HS2ST1: variants seen among roughly 807,000 people sequenced by gnomAD.
HS2ST1 encodes the protein heparan sulfate 2-O-sulfotransferase 1, also known as 2-O-sulfotransferase.
HS2ST1 carries 18 observed loss-of-function variants against 42.9 expected under a neutral mutation model. That is an observed-to-expected ratio of 0.42 (90% CI 0.29 to 0.62). The LOEUF is 0.62. Among genes scored for constraint, HS2ST1 ranks in the 20% least tolerant of loss-of-function variants. The pLI, the probability that HS2ST1 is intolerant of heterozygous loss-of-function variation, is 0.21. For missense variants in HS2ST1, 334 were observed against 433.8 expected (o/e 0.77, Z 2.04); for synonymous variants, 146 against 152.9 (o/e 0.95, Z 0.33).
rs1660366268 is a variant in HS2ST1, at chr1:86,924,301, G to T, written c.124+9141G>T. Among the ~76,000 whole-genome samples the T allele has an allele frequency of 3.3e-5, 5 of 152,300 alleles. No individual in the cohort carries two copies. The South Asian group carries it at 1.0e-3, about 32-fold the overall frequency. Reference sequence around the variant, plus strand: ...CCCCCACTCCTGGCTACTTTCACAGGCTGGCATTGAGTGTCTGTGGCTTTT... The same window carrying T: ...CCCCCACTCCTGGCTACTTTCACAGTCTGGCATTGAGTGTCTGTGGCTTTT... On this transcript the variant is annotated intron_variant, in intron 1 of 6. Coordinates refer to ENST00000370550, the MANE Select transcript of HS2ST1 (RefSeq NM_012262.4).
intron 1 of HS2ST1, among the ~76,000 whole-genome samples, chr1:87,030,790 G>A (rs960366655): frequency 1.3e-5 from 2 of 152,070 alleles, no homozygotes; most frequent in African/African-American, 4.8e-5. Flanking sequence ...TGTTCTTCCA[G>A]TGTCCTGAAT....
chr1:87,051,834 C>T (rs958294739), intron 1 of HS2ST1, among the ~76,000 whole-genome samples: 20 of 151,820 alleles, frequency 1.3e-4, no homozygotes, highest in Non-Finnish European at 2.5e-4. Flanking sequence ...TTTTGGAAAT[C>T]GATGTTTAAA....
chr1:87,088,009 G>C (rs550694900), intron 3 of HS2ST1, among the ~76,000 whole-genome samples: 6 of 152,070 alleles, frequency 3.9e-5, no homozygotes, highest in Non-Finnish European at 8.8e-5. Context: ...ACTTCATGGG[G>C]TGGTGGTGAG....
intron 1 of HS2ST1, among the ~76,000 whole-genome samples, chr1:87,062,921 G>A (rs1458062019): frequency 6.6e-6 from 1 of 152,134 alleles, no homozygotes; most frequent in East Asian, 1.9e-4. Flanking sequence ...TCATACAGGT[G>A]CATTCAAGAC....
Position 86,954,304 on chromosome 1 carries a change from G to A in HS2ST1, c.124+39144G>A, listed in dbSNP as rs536761099. ...GCAGAGGTTGCAGTGAGCCAAGATC[G>A]TGCCATTGCACTCCAGCCTGGGTGA... is the stretch of plus-strand genomic sequence containing the variant. On this transcript the variant is annotated intron_variant, in intron 1 of 6. Coordinates refer to ENST00000370550, the MANE Select transcript of HS2ST1 (RefSeq NM_012262.4). Among the ~76,000 whole-genome samples, 297 of 152,070 alleles carry A rather than the reference G, an allele frequency of 2.0e-3. 1 individual carries two copies. Among genetic ancestry groups the A allele is most frequent in the African/African-American group, 6.8e-3 (280 of 41,472 alleles).
chr1:86,952,623 T>C (rs935311588), intron 1 of HS2ST1, among the ~76,000 whole-genome samples: 1 of 152,256 alleles, frequency 6.6e-6, no homozygotes, highest in Non-Finnish European at 1.5e-5. Context: ...AAAACAACTT[T>C]AATCTCATTG....
intron 1 of HS2ST1, chr1:87,045,469 A>T (rs1366038615): frequency 1.9e-6 from 2 of 1,057,988 alleles, no homozygotes; most frequent in Non-Finnish European, 3.0e-6. Flanking sequence ...GTAAGGTGAG[A>T]ACAGTCACTT....
intron 1 of HS2ST1, among the ~76,000 whole-genome samples, chr1:87,026,979 T>G (rs1176905320): frequency 6.6e-6 from 1 of 152,192 alleles, no homozygotes; most frequent in Admixed American, 6.5e-5. Context: ...CTCCATAACA[T>G]TGTAATACAT....
chr1:87,001,976 G>C (rs367607971), intron 1 of HS2ST1, among the ~76,000 whole-genome samples: 1 of 143,182 alleles, frequency 7.0e-6, no homozygotes, highest in Non-Finnish European at 1.5e-5. Context: ...GCAGTGGCGC[G>C]ATCTCGGCTC....
At position 87,097,607 on chromosome 1, in the gene HS2ST1, C is replaced by T. The variant is rs578126279; in HGVS notation, c.589-231C>T. ...TGGGGTTTCACCATGTTAACTAGGACGGTCTCGATTTCTTGACCTCGCGAT... is the reference window on the plus strand; with the variant it reads ...TGGGGTTTCACCATGTTAACTAGGATGGTCTCGATTTCTTGACCTCGCGAT... On this transcript the variant is annotated intron_variant, in intron 4 of 6. Coordinates refer to ENST00000370550, the MANE Select transcript of HS2ST1 (RefSeq NM_012262.4). 1.2e-3 allele frequency among the ~76,000 whole-genome samples: 183 copies of T among 152,156 alleles called. 1 individual carries two copies. Among genetic ancestry groups the T allele is most frequent in the African/African-American group, 4.1e-3 (172 of 41,516 alleles).
At chr1:86,963,304 C>G (rs143776413) in intron 1 of HS2ST1, among the ~76,000 whole-genome samples, 1 of 152,020 alleles carries the variant, frequency 6.6e-6, no homozygotes, top group Non-Finnish European at 1.5e-5. Flanking sequence ...GAGGATCCTG[C>G]GGCCTACCGC....
chr1:87,002,786 C>G (rs1431064563), intron 1 of HS2ST1, among the ~76,000 whole-genome samples: 1 of 152,056 alleles, frequency 6.6e-6, no homozygotes, highest in African/African-American at 2.4e-5. Flanking sequence ...CACCTACAAC[C>G]CTGAAAATCC....
At chr1:87,080,787 C>T (rs1027061664) in intron 2 of HS2ST1, among the ~76,000 whole-genome samples, 5 of 152,078 alleles carry the variant, frequency 3.3e-5, no homozygotes, top group Middle Eastern at 3.2e-3. Flanking sequence ...ACAGTGATTG[C>T]GGGACTTTGC....
chr1:87,045,165 G>T, intron 1 of HS2ST1: 1 of 874,004 alleles, frequency 1.1e-6, no homozygotes, highest in Non-Finnish European at 2.0e-6. Flanking sequence ...TATGCTTTTG[G>T]CAGCATCTTC....
chr1:86,948,534 C>T (rs542315156), intron 1 of HS2ST1, among the ~76,000 whole-genome samples: 2 of 152,256 alleles, frequency 1.3e-5, no homozygotes, highest in African/African-American at 4.8e-5. Flanking sequence ...TTAACCAGGC[C>T]TCTTTTACTT....
intron 1 of HS2ST1, chr1:87,044,791 A>T (rs1485461453): frequency 2.1e-5 from 11 of 521,474 alleles, no homozygotes; most frequent in Non-Finnish European, 2.4e-5. Flanking sequence ...AGCAAAATGA[A>T]TGCTTTCAGA....
At chr1:87,089,621 T>C (rs1651892663) in intron 3 of HS2ST1, among the ~76,000 whole-genome samples, 1 of 152,000 alleles carries the variant, frequency 6.6e-6, no homozygotes, top group Non-Finnish European at 1.5e-5. Context: ...TGTGGTCCAG[T>C]TGCTATTTTT....
intron 1 of HS2ST1, among the ~76,000 whole-genome samples, chr1:86,994,183 A>G (rs1415242148): frequency 6.6e-6 from 1 of 152,236 alleles, no homozygotes; most frequent in Non-Finnish European, 1.5e-5. Flanking sequence ...TTGCTAAATC[A>G]CACTGAGGGA....
intron 3 of HS2ST1, among the ~76,000 whole-genome samples, chr1:87,085,958 GTTA>G (rs1469838526): frequency 6.6e-6 from 1 of 152,066 alleles, no homozygotes; most frequent in East Asian, 1.9e-4. Context: ...TGAGTCTTAT[GTTA>G]TTTGAAGGGA....
Sources: gnomAD v4.1 joint callset for allele counts (sites outside exome capture counted in the v4.1 genomes callset) on GRCh38, gnomAD v4.1.1 for gene constraint, MANE v1.5 for transcripts, NCBI Gene and HGNC (gene_info 2026-07-23, HGNC 2026-07-21) for gene names.